The following XYLT2 variants were observed in gnomAD, a reference collection of about 807,000 sequenced individuals.
The protein encoded by XYLT2 is UDP-D-xylose:proteoglycan core protein beta-D-xylosyltransferase.
In XYLT2, 37 loss-of-function variants were observed where a neutral mutation model predicts 82.6. The observed-to-expected ratio is 0.45, with a 90% CI of 0.34 to 0.59. The LOEUF is 0.59. XYLT2 is among the 20% of genes least tolerant of loss of function. The pLI, the probability that XYLT2 is intolerant of heterozygous loss-of-function variation, is 0.01. For missense variants in XYLT2, 934 were observed against 1,181.3 expected, an observed-to-expected ratio of 0.79 and a Z score of 3.07; for synonymous variants, 474 against 499.0, an observed-to-expected ratio of 0.95 and a Z score of 0.67.
chr17:50,346,668 G>C lies in XYLT2; in HGVS notation c.135+393G>C, dbSNP rs767721615. 16 of 985,288 alleles carry C rather than the reference G, an allele frequency of 1.6e-5. No individual in the cohort carries two copies. The highest frequency in any genetic ancestry group is 1.9e-5 in the Non-Finnish European group (16 of 829,922). 61.0% of individuals were successfully genotyped at this position (985,288 alleles called of 1,614,324 possible). A position where few individuals can be genotyped will look rare whatever the true frequency, so the allele number is the denominator to read the frequency against. On this transcript the variant is annotated intron_variant, in intron 1 of 10. Transcript: ENST00000017003. This position sits in a 1 kb window ranked among gnomAD's most constrained non-coding sequence, Gnocchi z 5.1. ...AACTTTCTGAAGTTGGGAGGGGGCG[G>C]GGATATGCGCGCCGTGGGCGGAGGA...
In XYLT2 at chr17:50,356,516, C is replaced by T. The variant is rs1357007328; in HGVS notation, c.1488C>T (p.Val496=). 6 of 1,613,904 alleles carry T rather than the reference C, an allele frequency of 3.7e-6. No individual in the cohort carries two copies. Among genetic ancestry groups the T allele is most frequent in the Non-Finnish European group, 5.1e-6 (6 of 1,179,972 alleles). The change falls in exon 8 of 11, where the codon GTC becomes GTT. Residue 496 remains valine, a synonymous_variant. Coordinates refer to ENST00000017003, the MANE Select transcript of XYLT2 (RefSeq NM_022167.4). The stretch of plus-strand genomic sequence containing the variant: ...CCTTGCCTCTCCCACTCCAGCAAGT[C>T]TCCAGACCCACCTTCTTCGCCCGGA... ...KPQDFLRLQQ[V]SRPTFFARKF... is the part of the protein sequence containing the mutation.
chr17:50,360,786 C>T lies in XYLT2; in HGVS notation c.*495C>T, dbSNP rs1045074700. Reference sequence around the variant, plus strand: ...TGCCCCATTCTGGGCCTGTGGTGCTCGTGGCTGAGGCTCCACAGGGCTGCA... The same window carrying T: ...TGCCCCATTCTGGGCCTGTGGTGCTTGTGGCTGAGGCTCCACAGGGCTGCA... On this transcript the variant is annotated 3_prime_UTR_variant, in exon 11 of 11. Transcript: ENST00000017003. 1 of 986,050 alleles carries T rather than the reference C, an allele frequency of 1.0e-6. No individual in the cohort carries two copies. Among genetic ancestry groups the T allele is most frequent in the Non-Finnish European group, 1.2e-6 (1 of 830,030 alleles). 61.1% of individuals were successfully genotyped at this position (986,050 alleles called of 1,614,324 possible).
rs934697706 is a variant in XYLT2 at position 50,360,960 on chromosome 17, G to A, written c.*669G>A. 4 of 985,824 alleles carry A rather than the reference G, an allele frequency of 4.1e-6. No individual in the cohort carries two copies. Among genetic ancestry groups the A allele is most frequent in the Middle Eastern group, 5.2e-4 (1 of 1,936 alleles). 61.1% of individuals were successfully genotyped at this position (985,824 alleles called of 1,614,324 possible). On this transcript the variant is annotated 3_prime_UTR_variant, in exon 11 of 11. Coordinates refer to ENST00000017003, the MANE Select transcript of XYLT2 (RefSeq NM_022167.4). ...GGCTTTCCAGCATACCCTGCCCCTG[G>A]ATGGGAAAGGCAGGGTCAGGGCCCA...
In XYLT2 at chr17:50,346,698, G is replaced by A. The variant is rs1912058634; in HGVS notation, c.135+423G>A. On this transcript the variant is annotated intron_variant, in intron 1 of 10. Transcript: ENST00000017003. This position sits in a 1 kb window ranked among gnomAD's most constrained non-coding sequence, Gnocchi z 5.1. ...ATGCGCGCCGTGGGCGGAGGAGTAGGGCCAAGGGACTCAGGGCGTCCTTCC... is the reference window on the plus strand; with the variant it reads ...ATGCGCGCCGTGGGCGGAGGAGTAGAGCCAAGGGACTCAGGGCGTCCTTCC... The A allele has an allele frequency of 1.0e-6, 1 of 985,400 alleles. No individual in the cohort carries two copies. Among genetic ancestry groups the A allele is most frequent in the Non-Finnish European group, 1.2e-6 (1 of 829,920 alleles). 61.0% of individuals were successfully genotyped at this position (985,400 alleles called of 1,614,324 possible).
intron 4 of XYLT2, 69 bp from the exon 5 acceptor site, chr17:50,355,432 A>C: frequency 1.3e-6 from 2 of 1,531,908 alleles, no homozygotes; most frequent in Non-Finnish European, 1.8e-6. Context: ...AAAAGCCAGA[A>C]GGTCCGCTCT....
At chr17:50,351,843 C>G (rs923450916) in intron 1 of XYLT2, among the ~76,000 whole-genome samples, 3 of 152,228 alleles carry the variant, frequency 2.0e-5, no homozygotes, top group African/African-American at 7.2e-5. Context: ...TTCAAGGGAG[C>G]TATCCAGGCC....
intron 1 of XYLT2, among the ~76,000 whole-genome samples, chr17:50,352,494 G>A (rs1222178034): frequency 6.6e-6 from 1 of 152,216 alleles, no homozygotes; most frequent in African/African-American, 2.4e-5. Flanking sequence ...TCCACTGCAG[G>A]GCAAATGGAA....
Position 50,353,969 on chromosome 17 carries a change from AC to A in XYLT2, c.480del (p.Lys161SerfsTer48), listed in dbSNP as rs1182050308. 1 of 1,606,408 alleles carries A rather than the reference AC, an allele frequency of 6.2e-7. No individual in the cohort carries two copies. ...CCCCCAGCCCACGGACAATGGCTTC[AC>A]CCCCAAGTGCGAGATCGTGGGCAAG... The part of the protein sequence containing the change: ...GAPQPTDNGF[T>X]PKCEIVGKDA... On this transcript the variant is annotated frameshift_variant, in exon 2 of 11. Transcript: ENST00000017003. LOFTEE classifies it high-confidence loss of function.
intron 10 of XYLT2, 101 bp downstream of exon 10, chr17:50,358,641 C>G: frequency 2.4e-6 from 3 of 1,252,326 alleles, no homozygotes; most frequent in Non-Finnish European, 3.3e-6. Context: ...ACTCCCATCC[C>G]TAGAGTCAGG....
Position 50,357,272 on chromosome 17 carries a change from T to A in XYLT2, c.1941+20T>A. ...CTGGAGGTGGGACAGGTCCCCCACT[T>A]GCTTTCTCCCAACCCCCACCCAGAC... On this transcript the variant is annotated intron_variant, in intron 9 of 10. Transcript: ENST00000017003. The A allele has an allele frequency of 6.4e-7, 1 of 1,551,952 alleles. No individual in the cohort carries two copies. Among genetic ancestry groups the A allele is most frequent in the Non-Finnish European group, 8.7e-7 (1 of 1,151,818 alleles).
chr17:50,359,654 G>C (rs1315856920), intron 10 of XYLT2: 1 of 322,700 alleles, frequency 3.1e-6, no homozygotes, highest in African/African-American at 2.1e-5. Context: ...AGGCTTCTGA[G>C]GGCTCTAGGA....
In XYLT2 at chr17:50,360,818, C is replaced by G. The variant is rs1489654565; in HGVS notation, c.*527C>G. 14 of 985,914 alleles carry G rather than the reference C, an allele frequency of 1.4e-5. No individual in the cohort carries two copies. The highest frequency in any genetic ancestry group is 1.6e-5 in the Non-Finnish European group (13 of 830,100). 61.1% of individuals were successfully genotyped at this position (985,914 alleles called of 1,614,324 possible). A position where few individuals can be genotyped will look rare whatever the true frequency, so the allele number is the denominator to read the frequency against. ...GAGGCTCCACAGGGCTGCAAGTGCC[C>G]TGCCAGGCTCTAAGGCCCGAAGAAC... On this transcript the variant is annotated 3_prime_UTR_variant, in exon 11 of 11. Transcript: ENST00000017003.
intron 7 of XYLT2, 54 bp from the exon 8 acceptor site, chr17:50,356,457 C>T: frequency 6.3e-7 from 1 of 1,592,330 alleles, no homozygotes; most frequent in Non-Finnish European, 8.6e-7. Flanking sequence ...CCAGCCCCAC[C>T]ATGCCCTCTG....
At position 50,360,578 on chromosome 17, in the gene XYLT2, T is replaced by TC. The variant is rs1451036645; in HGVS notation, c.*287_*288insC. The TC allele has an allele frequency of 3.0e-4, 320 of 1,078,170 alleles. 1 individual carries two copies. In the African/African-American group the frequency reaches 4.6e-3, roughly 15 times the overall value. 66.8% of individuals were successfully genotyped at this position (1,078,170 alleles called of 1,614,324 possible). ...TTTGAATTTCTTTTTTTTCTTTTTTTTTTTTTTTTTTTAATTTAAAAAGGA... is the reference window on the plus strand; with the variant it reads ...TTTGAATTTCTTTTTTTTCTTTTTTTCTTTTTTTTTTTTAATTTAAAAAGGA... On this transcript the variant is annotated 3_prime_UTR_variant, in exon 11 of 11. Transcript: ENST00000017003.
chr17:50,358,110 C>A lies in XYLT2; in HGVS notation c.1942-97C>A, dbSNP rs547709364. On this transcript the variant is annotated intron_variant, in intron 9 of 10. Transcript: ENST00000017003. Reference sequence around the variant, plus strand: ...GGGGAAACTGAGGCCCAGAAAGAGACAGTGACTGGCCTGAGATTACACAGT... The same window carrying A: ...GGGGAAACTGAGGCCCAGAAAGAGAAAGTGACTGGCCTGAGATTACACAGT... 11 of 1,151,776 alleles carry A rather than the reference C, an allele frequency of 9.6e-6. No homozygotes were observed. The South Asian group carries it at 1.4e-4, about 15-fold the overall frequency. The allele number at this position is 1,151,776 out of a possible 1,614,324, so 71.3% of individuals were successfully genotyped here.
At position 50,360,580 on chromosome 17, in the gene XYLT2, T is replaced by TC. The variant is rs1202293467; in HGVS notation, c.*289_*290insC. ...TGAATTTCTTTTTTTTCTTTTTTTTTTTTTTTTTTTAATTTAAAAAGGAAA... is the reference window on the plus strand; with the variant it reads ...TGAATTTCTTTTTTTTCTTTTTTTTTCTTTTTTTTTTAATTTAAAAAGGAAA... On this transcript the variant is annotated 3_prime_UTR_variant, in exon 11 of 11. Transcript: ENST00000017003. The TC allele has an allele frequency of 2.5e-6, 3 of 1,177,662 alleles. No homozygotes were observed. The highest frequency in any genetic ancestry group is 3.1e-6 in the Non-Finnish European group (3 of 954,260). The allele number at this position is 1,177,662 out of a possible 1,614,324, so 73.0% of individuals were successfully genotyped here.
Position 50,353,960 on chromosome 17 carries a change from A to G in XYLT2, c.466A>G (p.Asn156Asp). ...SVEGAPQPTDNGFTPKCEIVG... is the reference protein window; with the variant it reads ...SVEGAPQPTDDGFTPKCEIVG... The stretch of plus-strand genomic sequence containing the variant: ...GGAGGGCGCCCCCCAGCCCACGGAC[A>G]ATGGCTTCACCCCCAAGTGCGAGAT... Residue 156 changes from asparagine (N) to aspartate (D), a missense_variant, in exon 2 of 11, where the codon AAT becomes GAT. Coordinates refer to ENST00000017003, the MANE Select transcript of XYLT2 (RefSeq NM_022167.4). 6.2e-7 allele frequency: 1 copy of G among 1,606,738 alleles called. No individual in the cohort carries two copies. Among genetic ancestry groups the G allele is most frequent in the Middle Eastern group, 1.7e-4 (1 of 6,060 alleles).
chr17:50,346,346 G>A lies in XYLT2; in HGVS notation c.135+71G>A, dbSNP rs1340244182. On this transcript the variant is annotated intron_variant, in intron 1 of 10. Coordinates refer to ENST00000017003, the MANE Select transcript of XYLT2 (RefSeq NM_022167.4). This position sits in a 1 kb window ranked among gnomAD's most constrained non-coding sequence, Gnocchi z 5.1. ...GCGGGGTCCTGGCGGGGCTGCGGGCGGCCCCAGCCGGGGAAGTGGGGCACG... is the reference window on the plus strand; with the variant it reads ...GCGGGGTCCTGGCGGGGCTGCGGGCAGCCCCAGCCGGGGAAGTGGGGCACG... 1.7e-5 allele frequency: 17 copies of A among 995,538 alleles called. No individual in the cohort carries two copies. Among genetic ancestry groups the A allele is most frequent in the Non-Finnish European group, 1.9e-5 (16 of 837,660 alleles). The allele number at this position is 995,538 out of a possible 1,614,324, so 61.7% of individuals were successfully genotyped here. A position where few individuals can be genotyped will look rare whatever the true frequency, so the allele number is the denominator to read the frequency against.
At chr17:50,347,960 A>G (rs1912107744) in intron 1 of XYLT2, among the ~76,000 whole-genome samples, 2 of 152,238 alleles carry the variant, frequency 1.3e-5, no homozygotes, top group South Asian at 2.1e-4. Context: ...GGGGATAATA[A>G]TGGCACCTCC....
Sources: gnomAD v4.1 joint callset for allele counts (sites outside exome capture counted in the v4.1 genomes callset) on GRCh38, gnomAD v4.1.1 for gene constraint, Gnocchi (gnomAD v3.1) non-coding constraint, MANE v1.5 for transcripts, NCBI Gene and HGNC (gene_info 2026-07-23, HGNC 2026-07-21) for gene names.